FHIT: variants seen among roughly 807,000 people sequenced by gnomAD.
FHIT encodes the protein bis(5'-adenosyl)-triphosphatase.
Under a neutral mutation model 17.9 loss-of-function variants are expected in FHIT, and 19 were observed. That is an observed-to-expected ratio of 1.06 (90% CI 0.74 to 1.56). The LOEUF (loss-of-function observed/expected upper bound fraction) is 1.56. Ranked by LOEUF, FHIT falls within the 40% of genes most tolerant of loss-of-function variation. FHIT has a pLI of 0.00. For missense variants in FHIT, 248 were observed against 189.2 expected (o/e 1.31, Z -1.82); for synonymous variants, 81 against 69.7 (o/e 1.16, Z -0.81).
At chr3:61,109,424 T>C (rs2036088401) in intron 2 of FHIT, among the ~76,000 whole-genome samples, 1 of 152,124 alleles carries the variant, frequency 6.6e-6, no homozygotes, top group South Asian at 2.1e-4. Flanking sequence ...TGTTTGGGGT[T>C]AAGTGAAGGT....
intron 5 of FHIT, among the ~76,000 whole-genome samples, chr3:60,048,134 A>C (rs1165834255): frequency 6.6e-6 from 1 of 152,090 alleles, no homozygotes; most frequent in African/African-American, 2.4e-5. Flanking sequence ...CAGCCAGACC[A>C]GATTGGGACC....
intron 7 of FHIT, among the ~76,000 whole-genome samples, chr3:59,933,400 T>A (rs1706068975): frequency 6.6e-6 from 1 of 152,194 alleles, no homozygotes; most frequent in African/African-American, 2.4e-5. Flanking sequence ...GAATATTATA[T>A]GTTGGAATGG....
chr3:60,969,977 A>C, intron 3 of FHIT, among the ~76,000 whole-genome samples: 1 of 151,888 alleles, frequency 6.6e-6, no homozygotes, highest in Non-Finnish European at 1.5e-5. Context: ...TGATCCTCCC[A>C]CCTCAGCCTT....
chr3:59,913,811 A>G (rs980768128), intron 8 of FHIT, among the ~76,000 whole-genome samples: 1 of 152,198 alleles, frequency 6.6e-6, no homozygotes, highest in Non-Finnish European at 1.5e-5. Context: ...CAAGTTAAAC[A>G]TTAAACAGTT....
At chr3:60,185,371 A>G (rs909240159) in intron 5 of FHIT, among the ~76,000 whole-genome samples, 7 of 152,192 alleles carry the variant, frequency 4.6e-5, no homozygotes, top group Admixed American at 3.9e-4. Context: ...AAGTTGCATC[A>G]TGCAGTAGAT....
At chr3:61,188,412 A>G (rs1287152669) in intron 2 of FHIT, among the ~76,000 whole-genome samples, 5 of 152,200 alleles carry the variant, frequency 3.3e-5, no homozygotes. Context: ...TAGACCAAAA[A>G]CAGGCTCTGA....
chr3:59,862,065 G>A (rs1490132188), intron 8 of FHIT, among the ~76,000 whole-genome samples: 1 of 151,678 alleles, frequency 6.6e-6, no homozygotes, highest in Non-Finnish European at 1.5e-5. Context: ...CAGTATTTTT[G>A]AAAGCAAAAC....
intron 2 of FHIT, among the ~76,000 whole-genome samples, chr3:61,131,094 T>C (rs2036750529): frequency 6.6e-6 from 1 of 152,198 alleles, no homozygotes; most frequent in Admixed American, 6.5e-5. Flanking sequence ...CAATCCCAAA[T>C]TGTTACCTCT....
chr3:59,905,058 G>C (rs1223444212), intron 8 of FHIT, among the ~76,000 whole-genome samples: 3 of 152,226 alleles, frequency 2.0e-5, no homozygotes, highest in Non-Finnish European at 2.9e-5. Flanking sequence ...TTGTAGCTTG[G>C]CTTTCAGGCT....
chr3:60,955,628 A>ATACG (rs1559862471), intron 3 of FHIT, among the ~76,000 whole-genome samples: 3 of 53,164 alleles, frequency 5.6e-5, no homozygotes, highest in Admixed American at 2.1e-4. Flanking sequence ...ATATATATAT[A>ATACG]TATATACACA....
At chr3:60,286,903 CA>C (rs1320480899) in intron 5 of FHIT, among the ~76,000 whole-genome samples, 3 of 151,492 alleles carry the variant, frequency 2.0e-5, no homozygotes, top group Non-Finnish European at 4.4e-5. Context: ...CTCTTCCCTG[CA>C]AAAAAAAGTT....
intron 5 of FHIT, among the ~76,000 whole-genome samples, chr3:60,238,608 T>C (rs754140261): frequency 2.6e-5 from 4 of 152,142 alleles, no homozygotes; most frequent in Admixed American, 6.5e-5. Flanking sequence ...ACTTTAAAGA[T>C]TACTGAATAT....
intron 5 of FHIT, among the ~76,000 whole-genome samples, chr3:60,223,818 C>A (rs1704067805): frequency 6.6e-6 from 1 of 152,064 alleles, no homozygotes; most frequent in African/African-American, 2.4e-5. Flanking sequence ...TTCAGTAACC[C>A]TTAGCACAAT....
At position 59,749,149 on chromosome 3, in the gene FHIT, C is replaced by A. The variant is rs1429300163; in HGVS notation, c.*436G>T. ...AACACATTTCAGGGGTTTCATGAAC[C>A]ACTTAATGTATAAAAATTCAATATG... On this transcript the variant is annotated 3_prime_UTR_variant, in exon 10 of 10. Coordinates refer to ENST00000492590, the MANE Select transcript of FHIT (RefSeq NM_002012.4). 1.3e-5 allele frequency among the ~76,000 whole-genome samples: 2 copies of A among 151,964 alleles called. No individual in the cohort carries two copies. The highest frequency in any genetic ancestry group is 2.9e-5 in the Non-Finnish European group (2 of 67,982).
At chr3:60,351,148 T>C (rs1699375470) in intron 5 of FHIT, among the ~76,000 whole-genome samples, 1 of 152,180 alleles carries the variant, frequency 6.6e-6, no homozygotes, top group Non-Finnish European at 1.5e-5. Context: ...AATAAAGGTG[T>C]GTTATCTTAG....
intron 4 of FHIT, among the ~76,000 whole-genome samples, chr3:60,595,411 T>G (rs1243560467): frequency 6.7e-6 from 1 of 150,266 alleles, no homozygotes; most frequent in Non-Finnish European, 1.5e-5. Flanking sequence ...TAAATTGCAG[T>G]GAGCCATGTA....
At chr3:60,782,500 A>G (rs1700427883) in intron 4 of FHIT, among the ~76,000 whole-genome samples, 1 of 152,078 alleles carries the variant, frequency 6.6e-6, no homozygotes, top group South Asian at 2.1e-4. Flanking sequence ...GAGAGAAGCC[A>G]GTTACAATGC....
intron 5 of FHIT, among the ~76,000 whole-genome samples, chr3:60,151,452 T>C (rs910583202): frequency 6.6e-6 from 1 of 152,204 alleles, no homozygotes; most frequent in Non-Finnish European, 1.5e-5. Context: ...ATGCAATGTA[T>C]TCTTCAAAGA....
chr3:60,882,089 T>C (rs1705008443), intron 3 of FHIT, among the ~76,000 whole-genome samples: 2 of 151,972 alleles, frequency 1.3e-5, no homozygotes, highest in South Asian at 2.1e-4. Context: ...CAAAAGATCA[T>C]TAGAGACTAG....
Sources: allele counts gnomAD v4.1 joint callset (sites outside exome capture counted in the v4.1 genomes callset), GRCh38; gene constraint gnomAD v4.1.1; transcripts MANE v1.5; gene names NCBI Gene and HGNC (gene_info 2026-07-23, HGNC 2026-07-21).